Variants in SCLT1 observed in about 807,000 individuals in gnomAD.
The protein encoded by SCLT1 is sodium channel-associated protein 1.
In SCLT1, 78 loss-of-function variants were observed where a neutral mutation model predicts 112.8. The observed-to-expected ratio is 0.69, with a 90% CI of 0.58 to 0.83. The LOEUF (loss-of-function observed/expected upper bound fraction) is 0.83, where lower values mean the gene tolerates loss of function less well. Ranked by LOEUF, SCLT1 falls within the 40% of genes least tolerant of loss-of-function variation. SCLT1 has a pLI of 0.00. For synonymous variants in SCLT1, 257 were observed against 254.7 expected, an observed-to-expected ratio of 1.01 and a Z score of -0.09; for missense variants, 747 against 770.4, an observed-to-expected ratio of 0.97 and a Z score of 0.36.
chr4:128,880,828 C>T (rs1038715196), downstream of SCLT1, among the ~76,000 whole-genome samples: 11 of 152,080 alleles, frequency 7.2e-5, no homozygotes, highest in Non-Finnish European at 5.9e-5. Flanking sequence ...AAGTATGTTT[C>T]GCAATCTTCT....
At position 128,884,442 on chromosome 4, in the gene SCLT1, A is replaced by G; in HGVS notation, c.*35T>C. ...ACACTTCTAGTCCAACTGCTTTCCCAACTCTAAAGTTCTGTGAGTGAACTA... is the reference window on the plus strand; with the variant it reads ...ACACTTCTAGTCCAACTGCTTTCCCGACTCTAAAGTTCTGTGAGTGAACTA... On this transcript the variant is annotated 3_prime_UTR_variant, in exon 21 of 21. Transcript: ENST00000281142. 1 of 1,334,116 alleles carries G rather than the reference A, an allele frequency of 7.5e-7. No homozygotes were observed. The highest frequency in any genetic ancestry group is 1.1e-6 in the Non-Finnish European group (1 of 928,156). The allele number at this position is 1,334,116 out of a possible 1,614,324, so 82.6% of individuals were successfully genotyped here. A position where few individuals can be genotyped will look rare whatever the true frequency, so the allele number is the denominator to read the frequency against.
intron 9 of SCLT1, among the ~76,000 whole-genome samples, chr4:128,983,404 A>C (rs1429079363): frequency 1.3e-5 from 2 of 152,332 alleles, no homozygotes; most frequent in African/African-American, 4.8e-5. Flanking sequence ...AAACAGTATA[A>C]ATCTCAGTTT....
At chr4:128,969,261 C>A (rs572272258) in intron 10 of SCLT1, among the ~76,000 whole-genome samples, 1 of 152,126 alleles carries the variant, frequency 6.6e-6, no homozygotes, top group South Asian at 2.1e-4. Context: ...CTCTTGCTGC[C>A]AGTATTTCTT....
chr4:128,881,938 T>C (rs1239747370), downstream of SCLT1, among the ~76,000 whole-genome samples: 1 of 152,152 alleles, frequency 6.6e-6, no homozygotes, highest in African/African-American at 2.4e-5. Flanking sequence ...TCTTGGAGAA[T>C]ATCTAAGTAC....
At chr4:128,917,148 T>C (rs1735541748) in intron 18 of SCLT1, among the ~76,000 whole-genome samples, 1 of 152,056 alleles carries the variant, frequency 6.6e-6, no homozygotes, top group Non-Finnish European at 1.5e-5. Context: ...TGCTCACAGT[T>C]GCCCCCTTCA....
intron 5 of SCLT1, among the ~76,000 whole-genome samples, chr4:129,019,811 A>C (rs912732313): frequency 1.3e-5 from 2 of 152,178 alleles, no homozygotes; most frequent in Non-Finnish European, 2.9e-5. Flanking sequence ...GGATTAATAC[A>C]AAAGATCCTA....
At chr4:129,026,388 T>C (rs1746082000) in intron 5 of SCLT1, among the ~76,000 whole-genome samples, 1 of 151,930 alleles carries the variant, frequency 6.6e-6, no homozygotes, top group Admixed American at 6.6e-5. Context: ...AACTCAGGAC[T>C]AAGAAACTCA....
chr4:129,087,940 A>T (rs1164445302), intron 1 of SCLT1, among the ~76,000 whole-genome samples: 1 of 151,724 alleles, frequency 6.6e-6, no homozygotes, highest in Non-Finnish European at 1.5e-5. Context: ...AAAAAAAATT[A>T]GCCAGATATG....
chr4:128,927,631 C>G (rs1031912052), intron 18 of SCLT1, among the ~76,000 whole-genome samples: 1 of 150,408 alleles, frequency 6.6e-6, no homozygotes, highest in African/African-American at 2.4e-5. Context: ...TATATCAAAA[C>G]GTATACTAAA....
intron 5 of SCLT1, among the ~76,000 whole-genome samples, chr4:129,023,097 G>C (rs1030615899): frequency 2.6e-5 from 4 of 152,180 alleles, no homozygotes; most frequent in African/African-American, 9.7e-5. Flanking sequence ...AGCAAATGCT[G>C]AGGTATTTTG....
chr4:128,882,308 T>C (rs1425565971), downstream of SCLT1, among the ~76,000 whole-genome samples: 1 of 152,202 alleles, frequency 6.6e-6, no homozygotes, highest in African/African-American at 2.4e-5. Flanking sequence ...AATGAAAAAT[T>C]CTTTAAGAAA....
chr4:128,940,919 G>A (rs949460455), intron 17 of SCLT1, among the ~76,000 whole-genome samples: 4 of 151,726 alleles, frequency 2.6e-5, no homozygotes, highest in Admixed American at 6.6e-5. Flanking sequence ...AAGTAAATAC[G>A]TACCATTTAA....
In SCLT1 at chr4:128,997,912, T is replaced by C. The variant is rs780420215; in HGVS notation, c.577A>G (p.Thr193Ala). 6.6e-7 allele frequency: 1 copy of C among 1,517,032 alleles called. No homozygotes were observed. The highest frequency in any genetic ancestry group is 1.9e-5 in the Admixed American group (1 of 51,774). The allele number at this position is 1,517,032 out of a possible 1,614,324, so 94.0% of individuals were successfully genotyped here. Residue 193 changes from threonine (T) to alanine (A), a missense_variant, in exon 8 of 21, where the codon ACC (threonine) becomes GCC (alanine). This residue lies in a region of SCLT1 where 723 missense variants were observed against 721.3 expected (regional missense o/e 1.00). Transcript: ENST00000281142. ...KDQLFDFQQL[T>A]KQLHVTNENM... Reference sequence around the variant, plus strand: ...TCATTAGTAACATGAAGTTGTTTGGTCAGTTGTTGAAAATCAAATAGCTGA... The same window carrying C: ...TCATTAGTAACATGAAGTTGTTTGGCCAGTTGTTGAAAATCAAATAGCTGA...
intron 17 of SCLT1, among the ~76,000 whole-genome samples, chr4:128,937,290 A>G (rs1396726819): frequency 6.6e-6 from 1 of 151,314 alleles, no homozygotes; most frequent in Non-Finnish European, 1.5e-5. Context: ...AAAAAAAAAA[A>G]AAGAAAAAAG....
At chr4:129,090,820 A>G (rs1374595357) in intron 1 of SCLT1, among the ~76,000 whole-genome samples, 2 of 152,206 alleles carry the variant, frequency 1.3e-5, no homozygotes, top group Non-Finnish European at 2.9e-5. Context: ...CAAATATGCT[A>G]CAAGCTTACT....
intron 12 of SCLT1, among the ~76,000 whole-genome samples, chr4:128,958,059 G>A (rs1421535490): frequency 6.6e-6 from 1 of 151,984 alleles, no homozygotes; most frequent in Non-Finnish European, 1.5e-5. Context: ...TTTATATGCT[G>A]ACAATCCCCA....
At chr4:128,995,057 C>T (rs1225962723) in intron 8 of SCLT1, among the ~76,000 whole-genome samples, 1 of 152,058 alleles carries the variant, frequency 6.6e-6, no homozygotes, top group African/African-American at 2.4e-5. Context: ...TTTTTTCCTG[C>T]TGTCTGTACT....
At chr4:129,022,871 A>C (rs1316236462) in intron 5 of SCLT1, among the ~76,000 whole-genome samples, 10 of 152,208 alleles carry the variant, frequency 6.6e-5, no homozygotes, top group African/African-American at 2.2e-4. Flanking sequence ...GAAATGAAGG[A>C]AAAAATGTTA....
At chr4:129,049,500 G>T in intron 2 of SCLT1, among the ~76,000 whole-genome samples, 1 of 106,740 alleles carries the variant, frequency 9.4e-6, no homozygotes, top group African/African-American at 3.5e-5. Flanking sequence ...GAGGGGGGAG[G>T]GATAGCATTA....
Sources: allele counts gnomAD v4.1 joint callset (sites outside exome capture counted in the v4.1 genomes callset), GRCh38; gene constraint gnomAD v4.1.1; regional missense constraint gnomAD v4.1.1; transcripts MANE v1.5; gene names NCBI Gene and HGNC (gene_info 2026-07-23, HGNC 2026-07-21).